HECTD4: variants seen among roughly 807,000 people sequenced by gnomAD.
HECTD4 encodes HECT domain E3 ubiquitin protein ligase 4, also known as probable E3 ubiquitin-protein ligase HECTD4.
Under a neutral mutation model 471.5 loss-of-function variants are expected in HECTD4, and 114 were observed. The observed-to-expected ratio is 0.24, with a 90% CI of 0.21 to 0.28. The LOEUF (loss-of-function observed/expected upper bound fraction) is 0.28, where lower values mean the gene tolerates loss of function less well. HECTD4 is among the 10% of genes least tolerant of loss of function. The pLI is 1.00. For synonymous variants in HECTD4, 2,012 were observed against 2,256.0 expected (o/e 0.89, Z 3.07); for missense variants, 3,866 against 5,651.5 (o/e 0.68, Z 10.13).
intron 9 of HECTD4, among the ~76,000 whole-genome samples, chr12:112,276,522 A>G (rs1035471060): frequency 6.6e-6 from 1 of 152,210 alleles, no homozygotes. Context: ...ATCTAGGCTC[A>G]CTGCAACCTC....
In HECTD4 at chr12:112,169,352, G is replaced by T. The variant is rs75913123; in HGVS notation, c.12208+151C>A. Reference sequence around the variant, plus strand: ...GGGCTGGTCTGGAGGACACGGGCGTGAGGCCACTCTGGGTGCAGACCTGGC... The same window carrying T: ...GGGCTGGTCTGGAGGACACGGGCGTTAGGCCACTCTGGGTGCAGACCTGGC... On this transcript the variant is annotated intron_variant, in intron 70 of 75. Transcript: ENST00000682272. 5,552 of 902,240 alleles carry T rather than the reference G, an allele frequency of 6.2e-3. 32 individuals are homozygous for T. The highest frequency in any genetic ancestry group is 7.3e-3 in the Middle Eastern group (28 of 3,838). The allele number at this position is 902,240 out of a possible 1,614,324, so 55.9% of individuals were successfully genotyped here. A position where few individuals can be genotyped will look rare whatever the true frequency, so the allele number is the denominator to read the frequency against.
At chr12:112,308,983 A>G in intron 5 of HECTD4, 92 bp from the exon 6 acceptor site, 1 of 1,287,398 alleles carries the variant, frequency 7.8e-7, no homozygotes, top group Non-Finnish European at 1.0e-6. Context: ...TTTTCGACCT[A>G]ATTTTAAAAA....
At chr12:112,316,282 A>G (rs1470518669) in intron 2 of HECTD4, among the ~76,000 whole-genome samples, 1 of 152,112 alleles carries the variant, frequency 6.6e-6, no homozygotes, top group Non-Finnish European at 1.5e-5. Context: ...GGCCCAGTTC[A>G]AGTGTCATCT....
chr12:112,176,641 G>A lies in HECTD4; in HGVS notation c.11425C>T (p.Pro3809Ser). The A allele has an allele frequency of 1.2e-6, 2 of 1,613,958 alleles. No individual in the cohort carries two copies. Among genetic ancestry groups the A allele is most frequent in the Non-Finnish European group, 1.7e-6 (2 of 1,179,868 alleles). ...VKPKSPEKSKPDEKDPEKSPT... is the reference protein window; with the variant it reads ...VKPKSPEKSKSDEKDPEKSPT... ...GACTTTTCTGGGTCCTTTTCATCTGGTTTGCTCTTTTCTGGTGATTTTGGC... is the reference window on the plus strand; with the variant it reads ...GACTTTTCTGGGTCCTTTTCATCTGATTTGCTCTTTTCTGGTGATTTTGGC... Residue 3809 changes from proline (P) to serine (S), a missense_variant, in exon 65 of 76, where the codon CCA becomes TCA. This residue lies in a region of HECTD4 where 715 missense variants were observed against 1,087.6 expected (regional missense o/e 0.66). Transcript: ENST00000682272.
In HECTD4 at chr12:112,161,481, G is replaced by C. The variant is rs970628368; in HGVS notation, c.*906C>G. ...CTTTCCCTTGTCCTACGTCACTGCA[G>C]GGAGGAAGGGCCATTTCTGAGCATT... On this transcript the variant is annotated 3_prime_UTR_variant, in exon 76 of 76. Transcript: ENST00000682272. The C allele has an allele frequency of 1.3e-5, 2 of 152,212 alleles. No individual in the cohort carries two copies. Among genetic ancestry groups the C allele is most frequent in the Non-Finnish European group, 2.9e-5 (2 of 68,070 alleles). The allele number at this position is 152,212 out of a possible 1,614,324, so 9.4% of individuals were successfully genotyped here.
Position 112,219,282 on chromosome 12 carries a change from C to G in HECTD4, c.7074+104G>C, listed in dbSNP as rs978810854. 7.2e-6 allele frequency: 5 copies of G among 697,544 alleles called. No individual in the cohort carries two copies. The African/African-American group carries it at 9.0e-5, about 13-fold the overall frequency. 43.2% of individuals were successfully genotyped at this position (697,544 alleles called of 1,614,324 possible). A position where few individuals can be genotyped will look rare whatever the true frequency, so the allele number is the denominator to read the frequency against. On this transcript the variant is annotated intron_variant, in intron 45 of 75. Coordinates refer to ENST00000682272, the MANE Select transcript of HECTD4 (RefSeq NM_001388303.1). The stretch of plus-strand genomic sequence containing the variant: ...CACTGCAAAAGAATGCACCTCCAAA[C>G]GGCTTTGCAAACACTTATTCTAAAT...
intron 1 of HECTD4, among the ~76,000 whole-genome samples, chr12:112,355,952 T>C (rs1207441911): frequency 2.0e-5 from 3 of 152,168 alleles, no homozygotes; most frequent in African/African-American, 7.2e-5. Context: ...TGAAATCTAG[T>C]AAGTCAAAGG....
At chr12:112,342,247 G>A (rs1039667657) in intron 1 of HECTD4, among the ~76,000 whole-genome samples, 12 of 151,574 alleles carry the variant, frequency 7.9e-5, no homozygotes. Context: ...CTTGAGCCTG[G>A]GAGTTCAAAA....
chr12:112,167,773 T>C (rs2031032484), intron 71 of HECTD4, 41 bp downstream of exon 71: 1 of 1,544,908 alleles, frequency 6.5e-7, no homozygotes, highest in South Asian at 1.1e-5. Flanking sequence ...GCGCAGGACA[T>C]GAGCTCGGGG....
intron 13 of HECTD4, among the ~76,000 whole-genome samples, chr12:112,268,797 CAAACCAAAAAAAA>C (rs1435827798): frequency 2.0e-5 from 2 of 99,202 alleles, no homozygotes; most frequent in Non-Finnish European, 2.0e-5. Context: ...ACTAAAAAAA[CAAACCAAAAAAAA>C]AAAAGACTTA....
chr12:112,187,404 T>C (rs1020479940), intron 60 of HECTD4, among the ~76,000 whole-genome samples: 2 of 152,100 alleles, frequency 1.3e-5, no homozygotes, highest in Non-Finnish European at 2.9e-5. Flanking sequence ...GATGGATAGA[T>C]GGACTGATTG....
chr12:112,236,664 T>C, intron 35 of HECTD4, among the ~76,000 whole-genome samples: 1 of 152,224 alleles, frequency 6.6e-6, no homozygotes, highest in Non-Finnish European at 1.5e-5. Context: ...TGAATACAAC[T>C]GCATCTATGG....
At chr12:112,328,509 C>T (rs1195433622) in intron 1 of HECTD4, among the ~76,000 whole-genome samples, 4 of 152,150 alleles carry the variant, frequency 2.6e-5, no homozygotes, top group Non-Finnish European at 5.9e-5. Flanking sequence ...TTAAACCTTT[C>T]TACAGATTTT....
Position 112,272,943 on chromosome 12 carries a change from G to A in HECTD4, c.1942+712C>T, listed in dbSNP as rs556643055. On this transcript the variant is annotated intron_variant, in intron 11 of 75. Coordinates refer to ENST00000682272, the MANE Select transcript of HECTD4 (RefSeq NM_001388303.1). ...TACTGTGCTGACCAAGCTTGAGGTG[G>A]TCAGCATAGTAATTCTCTCAATGCA... 2.0e-5 allele frequency among the ~76,000 whole-genome samples: 3 copies of A among 152,322 alleles called. No individual in the cohort carries two copies. The South Asian group carries it at 6.2e-4, about 32-fold the overall frequency.
chr12:112,278,868 G>A (rs1285325773), intron 9 of HECTD4, among the ~76,000 whole-genome samples: 2 of 152,236 alleles, frequency 1.3e-5, no homozygotes, highest in Non-Finnish European at 2.9e-5. Flanking sequence ...ACTCCAGCCT[G>A]GGTGACAGAG....
intron 1 of HECTD4, among the ~76,000 whole-genome samples, chr12:112,331,840 T>G (rs2035848139): frequency 6.6e-6 from 1 of 152,182 alleles, no homozygotes. Flanking sequence ...TCAGTAGAAT[T>G]CCAGTGTCAG....
chr12:112,351,853 C>A (rs1046346736), intron 1 of HECTD4, among the ~76,000 whole-genome samples: 1 of 152,168 alleles, frequency 6.6e-6, no homozygotes, highest in African/African-American at 2.4e-5. Context: ...AAAATTCTAA[C>A]CCAAAGTATC....
chr12:112,270,443 C>T lies in HECTD4; in HGVS notation c.1959G>A (p.Thr653=), dbSNP rs141149924. ...GCAATAATTGGTTTATAACCTCATT[C>T]GTGGTTATAGCCTCTTCTAGAAGAT... is the stretch of plus-strand genomic sequence containing the variant. ...ITEPKEEAIT[T]NEVINQLLHH... Residue 653 remains threonine (T), a synonymous_variant, in exon 12 of 76, where the codon ACG becomes ACA. Transcript: ENST00000682272. The T allele has an allele frequency of 1.5e-5, 24 of 1,613,360 alleles. No homozygotes were observed. Among genetic ancestry groups the T allele is most frequent in the African/African-American group, 2.7e-5 (2 of 75,016 alleles).
In HECTD4 at chr12:112,265,910, G is replaced by A; in HGVS notation, c.2466C>T (p.Asn822=). The part of the protein sequence containing the change: ...LTNLAEQLQN[N]RFGSDEDDHY... ...GATCATCCTCATCACTGCCAAATCG[G>A]TTGTTTTGGAGCTGTTCAGCCAGGT... The change falls in exon 15 of 76, where the codon AAC becomes AAT. Residue 822 remains asparagine, a synonymous_variant. Coordinates refer to ENST00000682272, the MANE Select transcript of HECTD4 (RefSeq NM_001388303.1). 1 of 1,613,792 alleles carries A rather than the reference G, an allele frequency of 6.2e-7. No individual in the cohort carries two copies. The highest frequency in any genetic ancestry group is 8.5e-7 in the Non-Finnish European group (1 of 1,179,750).
Sources: allele counts gnomAD v4.1 joint callset (sites outside exome capture counted in the v4.1 genomes callset), GRCh38; gene constraint gnomAD v4.1.1; regional missense constraint gnomAD v4.1.1; transcripts MANE v1.5; gene names NCBI Gene and HGNC (gene_info 2026-07-23, HGNC 2026-07-21).